SLF1: variants seen among roughly 807,000 people sequenced by gnomAD.
The protein encoded by SLF1 is SMC5/6 complex localization factor 1, also known as SMC5-SMC6 complex localization factor protein 1.
In SLF1, 105 loss-of-function variants were observed where a neutral mutation model predicts 123.0. That is an observed-to-expected ratio of 0.85 (90% CI 0.73 to 1.00). The LOEUF (loss-of-function observed/expected upper bound fraction) is 1.00, where lower values mean the gene tolerates loss of function less well. SLF1 is among the 50% of genes least tolerant of loss of function. SLF1 has a pLI of 0.00. For synonymous variants in SLF1, 434 were observed against 406.6 expected (o/e 1.07, Z -0.81); for missense variants, 1,239 against 1,223.0 (o/e 1.01, Z -0.20).
At chr5:94,621,341 A>G (rs1018863635) in intron 1 of SLF1, among the ~76,000 whole-genome samples, 1 of 152,120 alleles carries the variant, frequency 6.6e-6, no homozygotes, top group Admixed American at 6.6e-5. Context: ...TTTCTTAATC[A>G]CTCCGATTTC....
rs567538207 is a variant in SLF1, at chr5:94,619,427, C to T, written c.-1+662C>T. Among the ~76,000 whole-genome samples the T allele has an allele frequency of 2.6e-5, 4 of 152,080 alleles. No individual in the cohort carries two copies. In the East Asian group the frequency reaches 7.8e-4, roughly 30 times the overall value. ...GGTTTATATTTCAGCTGCCTGAAGG[C>T]TGGAAACAAGACTGAGTGGCTATTT... On this transcript the variant is annotated intron_variant, in intron 1 of 20. Transcript: ENST00000265140.
At chr5:94,636,691 A>G (rs1182418702) in intron 4 of SLF1, among the ~76,000 whole-genome samples, 1 of 110,768 alleles carries the variant, frequency 9.0e-6, no homozygotes, top group African/African-American at 3.4e-5. Context: ...TTTAATCTGT[A>G]TGTTCTTGTA....
Position 94,635,613 on chromosome 5 carries a change from G to C in SLF1, c.431+4870G>C, listed in dbSNP as rs1334929621. Among the ~76,000 whole-genome samples, 2 of 151,324 alleles carry C rather than the reference G, an allele frequency of 1.3e-5. 1 individual carries two copies. Among genetic ancestry groups the C allele is most frequent in the African/African-American group, 4.9e-5 (2 of 41,178 alleles). ...GTGTATCTAGTAGAGATTTTCCTTT[G>C]TGGTTACCATGTAGTTATATAAAAC... On this transcript the variant is annotated intron_variant, in intron 4 of 20. Transcript: ENST00000265140.
intron 11 of SLF1, among the ~76,000 whole-genome samples, chr5:94,665,335 G>GT (rs1478064256): frequency 2.0e-5 from 3 of 152,170 alleles, no homozygotes; most frequent in African/African-American, 7.2e-5. Context: ...GTTAAAACCT[G>GT]TTATTCAGGT....
In SLF1 at chr5:94,675,904, A is replaced by ATTT. The variant is rs70978120; in HGVS notation, c.1828-2884_1828-2882dup. Among the ~76,000 whole-genome samples the ATTT allele has an allele frequency of 5.1e-3, 626 of 121,682 alleles. 2 individuals carry two copies. The highest frequency in any genetic ancestry group is 0.015 in the African/African-American group (482 of 32,474). The allele number at this position is 121,682 out of a possible 152,430, so 79.8% of individuals were successfully genotyped here. ...AAGGAGGGAAAGTCCCAACTGGTTG[A>ATTT]TTTTTTTTTTTTTTTTTTTTTTAAA... On this transcript the variant is annotated intron_variant, in intron 14 of 20. Transcript: ENST00000265140.
chr5:94,689,451 T>A, intron 17 of SLF1, 22 bp from the exon 18 acceptor site: 1 of 1,597,464 alleles, frequency 6.3e-7, no homozygotes, highest in South Asian at 1.1e-5. Flanking sequence ...AAGCTTTCAT[T>A]ATTTCTTACT....
intron 11 of SLF1, among the ~76,000 whole-genome samples, chr5:94,664,375 G>A (rs952369229): frequency 6.6e-6 from 1 of 152,068 alleles, no homozygotes; most frequent in African/African-American, 2.4e-5. Flanking sequence ...GCTCACTGTG[G>A]CCTCAACCTC....
chr5:94,693,632 T>C (rs1753266423), intron 20 of SLF1, among the ~76,000 whole-genome samples: 1 of 152,006 alleles, frequency 6.6e-6, no homozygotes, highest in Non-Finnish European at 1.5e-5. Flanking sequence ...GACACTTATA[T>C]TGAAGTAACT....
chr5:94,640,137 AC>A (rs1746282297), intron 4 of SLF1, among the ~76,000 whole-genome samples: 1 of 152,110 alleles, frequency 6.6e-6, no homozygotes, highest in Admixed American at 6.6e-5. Context: ...CTGGTATCAT[AC>A]CTTTTTTTGC....
rs1337834732 is a variant in SLF1 at position 94,695,304 on chromosome 5, T to C, written c.3169T>C (p.Phe1057Leu). 2.5e-6 allele frequency: 4 copies of C among 1,598,066 alleles called. No homozygotes were observed. The highest frequency in any genetic ancestry group is 2.3e-5 in the South Asian group (2 of 88,176). ...LEMMCRSVME[F>L]S ...AATGATGTGTCGGTCAGTCATGGAG[T>C]TTTCATGATGATGCTAGAAAGTATG... The change falls in exon 21 of 21, where the codon TTT becomes CTT. Residue 1057 changes from phenylalanine to leucine, a missense_variant. Physicochemically the swap from Phe to Leu is conservative, Grantham distance 22. Coordinates refer to ENST00000265140, the MANE Select transcript of SLF1 (RefSeq NM_032290.4).
rs144016216 is a variant in SLF1, at chr5:94,635,550, T to C, written c.431+4807T>C. Among the ~76,000 whole-genome samples, 482 of 152,150 alleles carry C rather than the reference T, an allele frequency of 3.2e-3. 1 individual carries two copies. Among genetic ancestry groups the C allele is most frequent in the Non-Finnish European group, 5.3e-3 (358 of 67,978 alleles). ...CTTCCATTGTGGTTTGATGGTTTTC[T>C]GTAGTGGTTTGCATTGATTCCCTTC... On this transcript the variant is annotated intron_variant, in intron 4 of 20. Coordinates refer to ENST00000265140, the MANE Select transcript of SLF1 (RefSeq NM_032290.4).
At chr5:94,649,762 C>G (rs916219433) in intron 6 of SLF1, among the ~76,000 whole-genome samples, 165 bp downstream of exon 6, 1 of 152,132 alleles carries the variant, frequency 6.6e-6, no homozygotes, top group Non-Finnish European at 1.5e-5. Context: ...TCCTATGTCT[C>G]TGGGAACTCT....
intron 15 of SLF1, among the ~76,000 whole-genome samples, chr5:94,685,788 T>C (rs2152496696): frequency 6.6e-6 from 1 of 150,650 alleles, no homozygotes; most frequent in African/African-American, 2.4e-5. Context: ...TGAGCCGAGA[T>C]CGCACCACTG....
At chr5:94,639,674 A>G (rs1328527089) in intron 4 of SLF1, among the ~76,000 whole-genome samples, 1 of 152,216 alleles carries the variant, frequency 6.6e-6, no homozygotes, top group African/African-American at 2.4e-5. Context: ...CTTACTGATA[A>G]TGTAAACAGT....
chr5:94,620,602 T>C (rs900090531), intron 1 of SLF1, among the ~76,000 whole-genome samples: 16 of 152,184 alleles, frequency 1.1e-4, no homozygotes, highest in African/African-American at 2.2e-4. Flanking sequence ...TAAATAAAAC[T>C]TTTTTAGAAA....
intron 12 of SLF1, among the ~76,000 whole-genome samples, chr5:94,667,460 C>T (rs1329636036): frequency 6.6e-6 from 1 of 152,088 alleles, no homozygotes; most frequent in African/African-American, 2.4e-5. Context: ...CTTGGGTCTA[C>T]TTTTTTCCTT....
chr5:94,657,304 A>G (rs918066603), intron 9 of SLF1, among the ~76,000 whole-genome samples: 17 of 152,034 alleles, frequency 1.1e-4, no homozygotes, highest in African/African-American at 2.9e-4. Flanking sequence ...CATTGATCCA[A>G]TGGTCGTTTA....
intron 12 of SLF1, among the ~76,000 whole-genome samples, chr5:94,667,311 A>G (rs536733494): frequency 1.3e-5 from 2 of 152,336 alleles, no homozygotes; most frequent in Non-Finnish European, 2.9e-5. Context: ...GCATAGGTAT[A>G]TGATGTGAGA....
At position 94,686,601 on chromosome 5, in the gene SLF1, C is replaced by T. The variant is rs577535948; in HGVS notation, c.2004C>T (p.Phe668=). The change falls in exon 16 of 21, where the codon TTC becomes TTT. Residue 668 remains phenylalanine (F), a synonymous_variant. Coordinates refer to ENST00000265140, the MANE Select transcript of SLF1 (RefSeq NM_032290.4). Reference sequence around the variant, plus strand: ...TTTCTTCACAGGAATTAGAGATTTTCATTTGCTCCTTTTCCTCCTCCTGGC... The same window carrying T: ...TTTCTTCACAGGAATTAGAGATTTTTATTTGCTCCTTTTCCTCCTCCTGGC... ...DDFSSQELEI[F]ICSFSSSWLQ... The T allele has an allele frequency of 6.2e-7, 1 of 1,613,944 alleles. No homozygotes were observed. Among genetic ancestry groups the T allele is most frequent in the African/African-American group, 1.3e-5 (1 of 75,048 alleles).
Sources: allele counts gnomAD v4.1 joint callset (sites outside exome capture counted in the v4.1 genomes callset), GRCh38; gene constraint gnomAD v4.1.1; transcripts MANE v1.5; gene names NCBI Gene and HGNC (gene_info 2026-07-23, HGNC 2026-07-21).